The following ANKS1B variants were observed in gnomAD, a reference collection of about 807,000 sequenced individuals.
The protein encoded by ANKS1B is ankyrin repeat and sterile alpha motif domain-containing protein 1B.
ANKS1B carries 36 observed loss-of-function variants against 148.3 expected under a neutral mutation model. The ratio of observed to expected loss-of-function variants is 0.24; its 90% CI spans 0.19 to 0.32. The LOEUF (loss-of-function observed/expected upper bound fraction) is 0.32. Among genes scored for constraint, ANKS1B ranks in the 10% least tolerant of loss-of-function variants. The pLI, the probability that ANKS1B is intolerant of heterozygous loss-of-function variation, is 1.00. For missense variants in ANKS1B, 1,157 were observed against 1,542.6 expected, an observed-to-expected ratio of 0.75 and a Z score of 4.19; for synonymous variants, 542 against 560.8, an observed-to-expected ratio of 0.97 and a Z score of 0.47.
chr12:99,427,235 T>C (rs964713249), intron 11 of ANKS1B, among the ~76,000 whole-genome samples: 3 of 152,270 alleles, frequency 2.0e-5, no homozygotes, highest in African/African-American at 7.2e-5. Context: ...TGGCTTCTAA[T>C]TGCACTTGGA....
At chr12:99,701,628 T>C (rs966902040) in intron 8 of ANKS1B, among the ~76,000 whole-genome samples, 26 of 152,112 alleles carry the variant, frequency 1.7e-4, no homozygotes, top group Non-Finnish European at 1.5e-5. Context: ...ATACTAGATC[T>C]TATTCATTGT....
chr12:99,093,186 G>A (rs1306608294), intron 15 of ANKS1B, among the ~76,000 whole-genome samples: 1 of 152,170 alleles, frequency 6.6e-6, no homozygotes, highest in African/African-American at 2.4e-5. Context: ...GACTGCCAGA[G>A]TTTCTCCAAC....
intron 11 of ANKS1B, among the ~76,000 whole-genome samples, chr12:99,408,223 A>C (rs554592532): frequency 6.8e-6 from 1 of 146,094 alleles, no homozygotes; most frequent in East Asian, 1.9e-4. Flanking sequence ...ATTTTTGACA[A>C]AGGTGTCAAG....
chr12:99,852,624 G>A (rs898405130), intron 1 of ANKS1B, among the ~76,000 whole-genome samples: 2 of 152,146 alleles, frequency 1.3e-5, no homozygotes, highest in African/African-American at 2.4e-5. Context: ...GCTCCCACTC[G>A]GATGTACAGA....
intron 4 of ANKS1B, among the ~76,000 whole-genome samples, chr12:99,792,092 G>A (rs2065725012): frequency 6.6e-6 from 1 of 151,772 alleles, no homozygotes; most frequent in Non-Finnish European, 1.5e-5. Context: ...AAATTCAAAG[G>A]ATCATGAGTG....
At chr12:99,605,201 A>C (rs1163315499) in intron 9 of ANKS1B, among the ~76,000 whole-genome samples, 1 of 152,110 alleles carries the variant, frequency 6.6e-6, no homozygotes, top group Non-Finnish European at 1.5e-5. Flanking sequence ...ACATTTTTTA[A>C]ACTTTTAAAA....
intron 17 of ANKS1B, among the ~76,000 whole-genome samples, chr12:98,955,490 G>A (rs368041286): frequency 1.3e-5 from 2 of 152,178 alleles, no homozygotes; most frequent in African/African-American, 4.8e-5. Flanking sequence ...AAGCCAGAAG[G>A]GGGACAAGGT....
intron 18 of ANKS1B, among the ~76,000 whole-genome samples, chr12:98,830,611 C>T (rs184351025): frequency 6.6e-4 from 101 of 152,352 alleles, no homozygotes; most frequent in Non-Finnish European, 1.1e-3. Context: ...AGGCAGCCCA[C>T]TGCATTTCAT....
At chr12:99,589,981 CA>C (rs931502519) in intron 9 of ANKS1B, among the ~76,000 whole-genome samples, 30 of 151,890 alleles carry the variant, frequency 2.0e-4, no homozygotes, top group Non-Finnish European at 3.8e-4. Flanking sequence ...AAAATAAAAA[CA>C]TTTTTTAAAA....
chr12:98,895,120 G>C (rs2099762119), intron 17 of ANKS1B: 2 of 985,154 alleles, frequency 2.0e-6, no homozygotes, highest in South Asian at 4.7e-5. Context: ...CTTGGCCGCC[G>C]GGGAGGGCTT....
chr12:99,509,233 T>C (rs996854173), intron 9 of ANKS1B, among the ~76,000 whole-genome samples: 3 of 151,786 alleles, frequency 2.0e-5, no homozygotes, highest in African/African-American at 7.3e-5. Flanking sequence ...TTAGTAACCC[T>C]TCAATGGCCT....
chr12:99,656,244 G>C (rs772928954), intron 8 of ANKS1B, among the ~76,000 whole-genome samples: 7 of 151,940 alleles, frequency 4.6e-5, no homozygotes, highest in Non-Finnish European at 8.8e-5. Flanking sequence ...ATGGCAGCAC[G>C]GTTTATATTC....
intron 17 of ANKS1B, among the ~76,000 whole-genome samples, chr12:98,873,809 A>G (rs546915466): frequency 6.6e-6 from 1 of 152,348 alleles, no homozygotes; most frequent in East Asian, 1.9e-4. Context: ...AAACAGAAAC[A>G]TGAGCAAATG....
chr12:99,026,068 A>G (rs545498112), intron 17 of ANKS1B, among the ~76,000 whole-genome samples: 3 of 152,260 alleles, frequency 2.0e-5, no homozygotes, highest in Non-Finnish European at 2.9e-5. Flanking sequence ...AGGTTGACAT[A>G]GTATAAAACC....
chr12:99,614,514 T>C (rs1449286092), intron 9 of ANKS1B, among the ~76,000 whole-genome samples: 1 of 150,218 alleles, frequency 6.7e-6, no homozygotes, highest in African/African-American at 2.5e-5. Context: ...AGCCCACACA[T>C]AGGAGTTAAT....
chr12:99,914,385 T>G (rs1240456495), intron 1 of ANKS1B, among the ~76,000 whole-genome samples: 1 of 152,198 alleles, frequency 6.6e-6, no homozygotes, highest in Admixed American at 6.5e-5. Flanking sequence ...TACAAGCTTA[T>G]ATAATAGCTC....
intron 1 of ANKS1B, among the ~76,000 whole-genome samples, chr12:99,930,385 G>A (rs1196847190): frequency 1.3e-5 from 2 of 152,156 alleles, no homozygotes; most frequent in Admixed American, 6.5e-5. Context: ...TTATCAGCTT[G>A]AGGAGATTTT....
intron 12 of ANKS1B, among the ~76,000 whole-genome samples, chr12:99,265,710 C>A (rs572142514): frequency 3.9e-5 from 6 of 152,224 alleles, no homozygotes; most frequent in African/African-American, 1.4e-4. Flanking sequence ...GACAATGTTC[C>A]CCTCAGTGTA....
intron 9 of ANKS1B, among the ~76,000 whole-genome samples, chr12:99,540,064 CA>C (rs201088309): frequency 2.8e-4 from 41 of 146,348 alleles, no homozygotes; most frequent in African/African-American, 9.6e-4. Context: ...TCACTAGAGA[CA>C]AAAAAAAAGA....
Sources: gnomAD v4.1 joint callset for allele counts (sites outside exome capture counted in the v4.1 genomes callset) on GRCh38, gnomAD v4.1.1 for gene constraint, MANE v1.5 for transcripts, NCBI Gene and HGNC (gene_info 2026-07-23, HGNC 2026-07-21) for gene names.